HERC1: variants seen among roughly 807,000 people sequenced by gnomAD.
HERC1 encodes HECT and RLD domain containing E3 ubiquitin protein ligase family member 1.
Under a neutral mutation model 554.3 loss-of-function variants are expected in HERC1, and 160 were observed. That is an observed-to-expected ratio of 0.29 (90% CI 0.25 to 0.33). HERC1 has a LOEUF of 0.33. HERC1 is among the 10% of genes least tolerant of loss of function. The pLI is 1.00. For synonymous variants in HERC1, 2,175 were observed against 2,131.7 expected (o/e 1.02, Z -0.56); for missense variants, 4,919 against 5,918.5 (o/e 0.83, Z 5.54).
At position 63,652,415 on chromosome 15, in the gene HERC1, A is replaced by C; in HGVS notation, c.10417T>G (p.Leu3473Val). 1 of 1,612,448 alleles carries C rather than the reference A, an allele frequency of 6.2e-7. No homozygotes were observed. Among genetic ancestry groups the C allele is most frequent in the Non-Finnish European group, 8.5e-7 (1 of 1,178,948 alleles). ...SLQQTCVFNR[L>V]EGDAEESLGS... ...TATACACGTGATGTTAGCACTCACA[A>C]TCTGTTGAACACACAGGTCTGTTGC... Residue 3473 changes from leucine to valine, a missense_variant and splice_region_variant, in exon 52 of 78, where the codon TTG (leucine) becomes GTG (valine). This residue lies in a region of HERC1 where 1,963 missense variants were observed against 2,228.6 expected (regional missense o/e 0.88). Transcript: ENST00000443617.
chr15:63,687,616 C>T (rs995237060), intron 33 of HERC1, among the ~76,000 whole-genome samples: 1 of 152,086 alleles, frequency 6.6e-6, no homozygotes, highest in Non-Finnish European at 1.5e-5. Context: ...CTATTCTCTG[C>T]CAGGTATCCT....
At chr15:63,696,061 A>G (rs753915775) in intron 27 of HERC1, 63 bp downstream of exon 27, 30 of 1,235,034 alleles carry the variant, frequency 2.4e-5, no homozygotes, top group Non-Finnish European at 3.4e-5. Flanking sequence ...AAAGTTTCAC[A>G]TTATTAAAGT....
intron 39 of HERC1, among the ~76,000 whole-genome samples, chr15:63,671,373 TAAA>T (rs35097725): frequency 7.0e-6 from 1 of 141,908 alleles, no homozygotes; most frequent in Non-Finnish European, 1.5e-5. Flanking sequence ...AGCTGTCTCT[TAAA>T]AAAAAAAAAA....
intron 39 of HERC1, among the ~76,000 whole-genome samples, 187 bp from the exon 40 acceptor site, chr15:63,669,885 T>A (rs1279738973): frequency 1.3e-5 from 2 of 152,154 alleles, no homozygotes; most frequent in Non-Finnish European, 2.9e-5. Flanking sequence ...TCAGTATAAA[T>A]GTAATAAAAC....
At chr15:63,783,529 A>G (rs1339606734) in intron 1 of HERC1, among the ~76,000 whole-genome samples, 1 of 152,198 alleles carries the variant, frequency 6.6e-6, no homozygotes, top group Admixed American at 6.5e-5. Context: ...GAGAAACCAA[A>G]AAAACTGTGT....
intron 1 of HERC1, among the ~76,000 whole-genome samples, chr15:63,815,037 G>A (rs1451969068): frequency 6.6e-6 from 1 of 152,168 alleles, no homozygotes; most frequent in Non-Finnish European, 1.5e-5. Context: ...TATTAACAGT[G>A]TCCTCTTAAC....
At position 63,716,433 on chromosome 15, in the gene HERC1, T is replaced by G; in HGVS notation, c.4019A>C (p.Glu1340Ala). The change falls in exon 22 of 78, where the codon GAG becomes GCG. Residue 1340 changes from glutamate (E) to alanine (A), a missense_variant. Physicochemically the swap from Glu to Ala is moderately radical, Grantham distance 107. Around this residue, in one of 11 missense-constraint regions of HERC1, gnomAD observed 1,121 missense variants for 1,244.0 expected, o/e 0.90. Coordinates refer to ENST00000443617, the MANE Select transcript of HERC1 (RefSeq NM_003922.4). Reference sequence around the variant, plus strand: ...ATCAATAGTTCGAGTAAATGAATGCTCCTGAGGATCAACATCTGCAGAGTC... The same window carrying G: ...ATCAATAGTTCGAGTAAATGAATGCGCCTGAGGATCAACATCTGCAGAGTC... ...NQDSADVDPQ[E>A]HSFTRTIDEE... 6.2e-7 allele frequency: 1 copy of G among 1,613,796 alleles called. No individual in the cohort carries two copies. The highest frequency in any genetic ancestry group is 1.1e-5 in the South Asian group (1 of 91,066).
chr15:63,833,793 G>GCACACACACACA lies in HERC1; in HGVS notation c.-27+33_-27+34insTGTGTGTGTGTG, dbSNP rs1567176634. The stretch of plus-strand genomic sequence containing the variant: ...CACACACACACACACACACACACAG[G>GCACACACACACA]ACCAGGAGGACGGTAGATGATGCGT... On this transcript the variant is annotated intron_variant, in intron 1 of 77. Coordinates refer to ENST00000443617, the MANE Select transcript of HERC1 (RefSeq NM_003922.4). 118 of 146,342 alleles carry GCACACACACACA rather than the reference G, an allele frequency of 8.1e-4. 2 individuals are homozygous for GCACACACACACA. Among genetic ancestry groups the GCACACACACACA allele is most frequent in the African/African-American group, 2.9e-3 (112 of 38,808 alleles). 9.1% of individuals were successfully genotyped at this position (146,342 alleles called of 1,614,324 possible).
intron 63 of HERC1, among the ~76,000 whole-genome samples, chr15:63,638,073 G>A (rs950433028): frequency 6.6e-6 from 1 of 152,144 alleles, no homozygotes; most frequent in Non-Finnish European, 1.5e-5. Context: ...GGGAGTGGTC[G>A]ATAAAATCTG....
rs1249873498 is a variant in HERC1 at position 63,616,412 on chromosome 15, A to T, written c.13941+18T>A. 16 of 1,607,260 alleles carry T rather than the reference A, an allele frequency of 1.0e-5. No individual in the cohort carries two copies. The highest frequency in any genetic ancestry group is 1.3e-5 in the Non-Finnish European group (15 of 1,175,770). On this transcript the variant is annotated intron_variant, in intron 75 of 77. Transcript: ENST00000443617. ...AGGACGTCAACACCAGTAGAAACAT[A>T]GACTGGCCAGGATTTACCTCATGGA...
chr15:63,817,324 G>A (rs2077525428), intron 1 of HERC1, among the ~76,000 whole-genome samples: 1 of 152,018 alleles, frequency 6.6e-6, no homozygotes, highest in East Asian at 1.9e-4. Context: ...ATGTTATTAT[G>A]GTTATGCTAT....
At position 63,756,331 on chromosome 15, in the gene HERC1, G is replaced by A; in HGVS notation, c.1533+106C>T. The A allele has an allele frequency of 1.2e-6, 1 of 869,174 alleles. No individual in the cohort carries two copies. The highest frequency in any genetic ancestry group is 1.7e-5 in the South Asian group (1 of 60,166). The allele number at this position is 869,174 out of a possible 1,614,324, so 53.8% of individuals were successfully genotyped here. A position where few individuals can be genotyped will look rare whatever the true frequency, so the allele number is the denominator to read the frequency against. ...AGAGATACAAAAGATTAAGCCAAAG[G>A]GTTGAAGGGGCAACTGCAGAAAGAA... On this transcript the variant is annotated intron_variant, in intron 5 of 77. Coordinates refer to ENST00000443617, the MANE Select transcript of HERC1 (RefSeq NM_003922.4). This position sits in a 1 kb window ranked among gnomAD's most constrained non-coding sequence, Gnocchi z 5.0.
chr15:63,785,471 A>G (rs905803254), intron 1 of HERC1, among the ~76,000 whole-genome samples: 15 of 152,046 alleles, frequency 9.9e-5, no homozygotes, highest in Admixed American at 3.9e-4. Flanking sequence ...AAACAAAATA[A>G]ACTTTAAGAA....
At chr15:63,638,336 C>T in intron 63 of HERC1, 75 bp downstream of exon 63, 1 of 1,452,610 alleles carries the variant, frequency 6.9e-7, no homozygotes, top group Admixed American at 1.9e-5. Flanking sequence ...AAGCTTTATC[C>T]CACAATAAGA....
chr15:63,811,502 GC>G (rs1372322631), intron 1 of HERC1, among the ~76,000 whole-genome samples: 1 of 152,084 alleles, frequency 6.6e-6, no homozygotes, highest in Non-Finnish European at 1.5e-5. Flanking sequence ...GCACAGCTGA[GC>G]CCCGGTAACA....
intron 12 of HERC1, among the ~76,000 whole-genome samples, chr15:63,745,256 C>T (rs2075013910): frequency 6.6e-6 from 1 of 152,134 alleles, no homozygotes; most frequent in Non-Finnish European, 1.5e-5. Flanking sequence ...CCTTGGTTAC[C>T]CCAGCTGGTG....
chr15:63,641,471 T>A lies in HERC1; in HGVS notation c.11606A>T (p.Lys3869Met). 1 of 1,609,614 alleles carries A rather than the reference T, an allele frequency of 6.2e-7. No individual in the cohort carries two copies. The highest frequency in any genetic ancestry group is 1.7e-4 in the Middle Eastern group (1 of 5,988). Residue 3869 changes from lysine to methionine, a missense_variant and splice_region_variant, in exon 60 of 78, where the codon AAG becomes ATG. Around this residue, in one of 11 missense-constraint regions of HERC1, gnomAD observed 1,963 missense variants for 2,228.6 expected, o/e 0.88. Transcript: ENST00000443617. ...CTAGGAGTGAGTGTAATGAGTTACCTTTTCATAGGCATACTGCTCCTGAAG... is the reference window on the plus strand; with the variant it reads ...CTAGGAGTGAGTGTAATGAGTTACCATTTCATAGGCATACTGCTCCTGAAG... ...MMLQEQYAYE[K>M]PHVVCGDQLV...
chr15:63,795,855 A>T (rs8040757), intron 1 of HERC1, among the ~76,000 whole-genome samples: 67,833 of 152,030 alleles, frequency 0.45, 16,426 homozygotes, highest in Non-Finnish European at 0.55. Context: ...AGAACTTTTT[A>T]AAAGAGGCAA....
chr15:63,672,635 T>G lies in HERC1; in HGVS notation c.7906A>C (p.Thr2636Pro), dbSNP rs1233583674. 1.9e-6 allele frequency: 3 copies of G among 1,613,040 alleles called. No individual in the cohort carries two copies. Among genetic ancestry groups the G allele is most frequent in the Non-Finnish European group, 2.5e-6 (3 of 1,179,488 alleles). The change falls in exon 39 of 78, where the codon ACT becomes CCT. Residue 2636 changes from threonine (T) to proline (P), a missense_variant. By Grantham distance (38) the Thr-to-Pro change is conservative. Around this residue, in one of 11 missense-constraint regions of HERC1, gnomAD observed 1,963 missense variants for 2,228.6 expected, o/e 0.88. Coordinates refer to ENST00000443617, the MANE Select transcript of HERC1 (RefSeq NM_003922.4). The stretch of plus-strand genomic sequence containing the variant: ...GTCGTGCTTGAGGCTGATGGGCTAG[T>G]AGTAACTGGTGTCTGTGCCTGCTGG... ...PAQQAQTPVT[T>P]SPSASSTTSF...
Sources: allele counts gnomAD v4.1 joint callset (sites outside exome capture counted in the v4.1 genomes callset), GRCh38; gene constraint gnomAD v4.1.1; regional missense constraint gnomAD v4.1.1; non-coding constraint Gnocchi (gnomAD v3.1); transcripts MANE v1.5; gene names NCBI Gene and HGNC (gene_info 2026-07-23, HGNC 2026-07-21).